Variants in CAMK2D observed in about 807,000 individuals in gnomAD.
The protein encoded by CAMK2D is calcium/calmodulin-dependent protein kinase type II subunit delta.
CAMK2D carries 37 observed loss-of-function variants against 84.0 expected under a neutral mutation model. That is an observed-to-expected ratio of 0.44 (90% CI 0.34 to 0.58). CAMK2D has a LOEUF of 0.58. Ranked by LOEUF, CAMK2D falls within the 20% of genes least tolerant of loss-of-function variation. The pLI, the probability that CAMK2D is intolerant of heterozygous loss-of-function variation, is 0.02. For missense variants in CAMK2D, 448 were observed against 652.5 expected (o/e 0.69, Z 3.41); for synonymous variants, 202 against 212.5 (o/e 0.95, Z 0.43).
intron 20 of CAMK2D, among the ~76,000 whole-genome samples, chr4:113,454,730 A>T (rs1365199164): frequency 6.6e-6 from 1 of 152,108 alleles, no homozygotes; most frequent in Non-Finnish European, 1.5e-5. Flanking sequence ...ATCAGTATTA[A>T]TTATTTTTTC....
rs77739807 is a variant in CAMK2D at position 113,703,664 on chromosome 4, C to T, written c.161-41892G>A. On this transcript the variant is annotated intron_variant, in intron 2 of 20. Transcript: ENST00000511664. Reference sequence around the variant, plus strand: ...AACCTATAAGAACTTCTTCAATGCACTGTTGATTCTTTAAAATCAAAATTT... The same window carrying T: ...AACCTATAAGAACTTCTTCAATGCATTGTTGATTCTTTAAAATCAAAATTT... Among the ~76,000 whole-genome samples the T allele has an allele frequency of 4.0e-3, 616 of 152,258 alleles. 6 individuals are homozygous for T. Among genetic ancestry groups the T allele is most frequent in the African/African-American group, 0.014 (594 of 41,530 alleles).
intron 4 of CAMK2D, among the ~76,000 whole-genome samples, chr4:113,576,492 C>T (rs2098783158): frequency 6.6e-6 from 1 of 151,880 alleles, no homozygotes; most frequent in South Asian, 2.1e-4. Context: ...TCAAATCAGA[C>T]AGTAATCTAG....
intron 4 of CAMK2D, among the ~76,000 whole-genome samples, chr4:113,592,045 AT>A (rs2098890150): frequency 4.6e-5 from 7 of 152,208 alleles, no homozygotes; most frequent in Admixed American, 4.6e-4. Context: ...CTTAATAAGT[AT>A]TCATTGAATG....
chr4:113,509,711 T>G, intron 12 of CAMK2D, 36 bp from the exon 13 acceptor site: 1 of 1,525,060 alleles, frequency 6.6e-7, no homozygotes, highest in Non-Finnish European at 9.1e-7. Flanking sequence ...TAGTGAGTTA[T>G]CCATAGAAAC....
At chr4:113,654,185 A>G (rs1042968193) in intron 3 of CAMK2D, among the ~76,000 whole-genome samples, 2 of 151,956 alleles carry the variant, frequency 1.3e-5, no homozygotes, top group Non-Finnish European at 2.9e-5. Context: ...TAAACCTTCA[A>G]TTTGTAGAAT....
At chr4:113,653,706 G>C (rs959535938) in intron 3 of CAMK2D, among the ~76,000 whole-genome samples, 2 of 151,802 alleles carry the variant, frequency 1.3e-5, no homozygotes, top group Admixed American at 6.6e-5. Flanking sequence ...TGTTTCCAAG[G>C]GTTCAAAAAC....
intron 13 of CAMK2D, 106 bp from the exon 14 acceptor site, chr4:113,505,141 G>A (rs2098113139): frequency 1.9e-6 from 1 of 531,670 alleles, no homozygotes. Context: ...AAGATAAAGA[G>A]CCACTGAAGA....
intron 6 of CAMK2D, among the ~76,000 whole-genome samples, chr4:113,538,609 TTAATA>T (rs1366325107): frequency 7.2e-5 from 11 of 152,176 alleles, no homozygotes; most frequent in African/African-American, 2.7e-4. Flanking sequence ...TGTTTATATG[TTAATA>T]AACAAGTAAT....
intron 7 of CAMK2D, 38 bp downstream of exon 7, chr4:113,537,302 GA>G (rs1199955016): frequency 9.6e-7 from 1 of 1,045,668 alleles, no homozygotes; most frequent in Non-Finnish European, 1.5e-6. Flanking sequence ...TCAGAAGCCA[GA>G]AGACTATAGG....
chr4:113,493,583 C>T (rs1224174073), intron 16 of CAMK2D, among the ~76,000 whole-genome samples: 1 of 151,868 alleles, frequency 6.6e-6, no homozygotes, highest in Non-Finnish European at 1.5e-5. Flanking sequence ...ACATTTTTTC[C>T]TTCATTTCAA....
intron 2 of CAMK2D, among the ~76,000 whole-genome samples, chr4:113,724,990 C>T (rs2099541664): frequency 6.6e-6 from 1 of 152,014 alleles, no homozygotes; most frequent in East Asian, 1.9e-4. Context: ...TTTACTTTAT[C>T]TCGCATTTAG....
intron 2 of CAMK2D, among the ~76,000 whole-genome samples, chr4:113,735,951 C>A (rs140435964): frequency 6.6e-6 from 1 of 152,148 alleles, no homozygotes; most frequent in East Asian, 1.9e-4. Context: ...TGTTGTTTAT[C>A]CTCTTTGTTG....
chr4:113,760,650 T>A (rs2099639180), intron 1 of CAMK2D, among the ~76,000 whole-genome samples: 1 of 152,076 alleles, frequency 6.6e-6, no homozygotes, highest in Non-Finnish European at 1.5e-5. Flanking sequence ...TGGGTTCTAA[T>A]TTCCTCTCCA....
chr4:113,739,983 A>C (rs17046464), intron 2 of CAMK2D, among the ~76,000 whole-genome samples: 4,120 of 152,226 alleles, frequency 0.027, 196 homozygotes, highest in African/African-American at 0.094. Flanking sequence ...ACACTTCAAA[A>C]TATCTAAACT....
chr4:113,530,096 A>G (rs1168004782), intron 8 of CAMK2D, among the ~76,000 whole-genome samples: 1 of 152,270 alleles, frequency 6.6e-6, no homozygotes, highest in Non-Finnish European at 1.5e-5. Context: ...TCACTAGAGA[A>G]TATCAACTTC....
intron 4 of CAMK2D, among the ~76,000 whole-genome samples, chr4:113,606,635 G>C (rs2098978925): frequency 6.6e-6 from 1 of 152,086 alleles, no homozygotes; most frequent in East Asian, 1.9e-4. Context: ...GGACCTCTTA[G>C]ACTCTAACAA....
At chr4:113,612,037 A>G (rs2154268805) in intron 3 of CAMK2D, among the ~76,000 whole-genome samples, 1 of 152,096 alleles carries the variant, frequency 6.6e-6, no homozygotes, top group East Asian at 1.9e-4. Context: ...CTTATTTTAA[A>G]TAATGAACTG....
At chr4:113,526,577 A>T (rs923562646) in intron 8 of CAMK2D, among the ~76,000 whole-genome samples, 1 of 152,192 alleles carries the variant, frequency 6.6e-6, no homozygotes, top group Non-Finnish European at 1.5e-5. Context: ...CAGACAAGAA[A>T]GTTAGAGCTT....
At chr4:113,590,613 T>G (rs1859152) in intron 4 of CAMK2D, among the ~76,000 whole-genome samples, 109,834 of 152,076 alleles carry the variant, frequency 0.72, 39,973 homozygotes, top group Middle Eastern at 0.77. Context: ...CCAGTTCTAC[T>G]TTGAAAGCTT....
Sources: gnomAD v4.1 joint callset for allele counts (sites outside exome capture counted in the v4.1 genomes callset) on GRCh38, gnomAD v4.1.1 for gene constraint, MANE v1.5 for transcripts, NCBI Gene and HGNC (gene_info 2026-07-23, HGNC 2026-07-21) for gene names.